TMEM108: variants seen among roughly 807,000 people sequenced by gnomAD.
TMEM108 encodes the protein transmembrane protein 108.
Under a neutral mutation model 35.1 loss-of-function variants are expected in TMEM108, and 12 were observed. The observed-to-expected ratio is 0.34, with a 90% CI of 0.22 to 0.55. TMEM108 has a LOEUF of 0.55. Among genes scored for constraint, TMEM108 ranks in the 20% least tolerant of loss-of-function variants. The pLI, the probability that TMEM108 is intolerant of heterozygous loss-of-function variation, is 0.89. For missense variants in TMEM108, 680 were observed against 753.3 expected, an observed-to-expected ratio of 0.90 and a Z score of 1.14; for synonymous variants, 287 against 308.6, an observed-to-expected ratio of 0.93 and a Z score of 0.73.
At chr3:133,170,425 C>T (rs1945112917) in intron 2 of TMEM108, among the ~76,000 whole-genome samples, 1 of 152,140 alleles carries the variant, frequency 6.6e-6, no homozygotes, top group Admixed American at 6.5e-5. Flanking sequence ...TCTCCCAACT[C>T]TCAGCTAAGG....
intron 2 of TMEM108, among the ~76,000 whole-genome samples, chr3:133,141,628 G>T (rs575302711): frequency 6.6e-6 from 1 of 152,160 alleles, no homozygotes; most frequent in African/African-American, 2.4e-5. Flanking sequence ...ACTGACCTGT[G>T]TGGTCTACCC....
Position 133,277,890 on chromosome 3 carries a change from C to A in TMEM108, c.40+48539C>A, listed in dbSNP as rs544808266. On this transcript the variant is annotated intron_variant, in intron 3 of 5. Transcript: ENST00000321871. ...AAGGAGCAGCAATCTGTCACCAAAT[C>A]TGTGGACCAGAGACTCAGGCTCTGC... is the stretch of plus-strand genomic sequence containing the variant. Among the ~76,000 whole-genome samples the A allele has an allele frequency of 1.0e-3, 158 of 152,310 alleles. 4 individuals carry two copies. In the South Asian group the frequency reaches 0.026, roughly 25 times the overall value.
At chr3:133,362,986 G>GA (rs1311055522) in intron 3 of TMEM108, among the ~76,000 whole-genome samples, 1 of 152,188 alleles carries the variant, frequency 6.6e-6, no homozygotes, top group African/African-American at 2.4e-5. Context: ...GTTGTTTCCA[G>GA]AAAAAGCAGC....
At chr3:133,178,575 A>G (rs1017080701) in intron 2 of TMEM108, among the ~76,000 whole-genome samples, 7 of 152,238 alleles carry the variant, frequency 4.6e-5, no homozygotes, top group Non-Finnish European at 1.0e-4. Context: ...TCCCTATTTA[A>G]TAAATGGTTC....
intron 3 of TMEM108, among the ~76,000 whole-genome samples, chr3:133,356,984 AG>A (rs1049684436): frequency 6.6e-6 from 1 of 152,216 alleles, no homozygotes; most frequent in African/African-American, 2.4e-5. Flanking sequence ...TAAACTAAAA[AG>A]CTTCTACACA....
At chr3:133,048,815 A>G (rs1943369643) in intron 2 of TMEM108, among the ~76,000 whole-genome samples, 1 of 152,208 alleles carries the variant, frequency 6.6e-6, no homozygotes, top group South Asian at 2.1e-4. Flanking sequence ...AGAAAGAGGC[A>G]CTTTGGTGTG....
At chr3:133,100,713 C>T (rs1375288089) in intron 2 of TMEM108, among the ~76,000 whole-genome samples, 1 of 152,176 alleles carries the variant, frequency 6.6e-6, no homozygotes, top group African/African-American at 2.4e-5. Flanking sequence ...TTGATTCCAC[C>T]ATCCATCCAT....
At chr3:133,275,401 C>G (rs1439572250) in intron 3 of TMEM108, among the ~76,000 whole-genome samples, 1 of 152,152 alleles carries the variant, frequency 6.6e-6, no homozygotes, top group Non-Finnish European at 1.5e-5. Context: ...TTGGATTTTT[C>G]ACATACATTT....
At chr3:133,394,107 T>C (rs1184127137) in intron 5 of TMEM108, among the ~76,000 whole-genome samples, 1 of 152,226 alleles carries the variant, frequency 6.6e-6, no homozygotes, top group Non-Finnish European at 1.5e-5. Context: ...TGAGGGTAAA[T>C]GCAGGCAGCC....
chr3:133,323,042 C>T (rs576828107), intron 3 of TMEM108, among the ~76,000 whole-genome samples: 8 of 152,270 alleles, frequency 5.3e-5, no homozygotes, highest in African/African-American at 1.9e-4. Context: ...GACAAACCCA[C>T]AGCCAACATT....
At chr3:133,272,313 T>TGTGTGTGTGTGTG (rs1559888647) in intron 3 of TMEM108, among the ~76,000 whole-genome samples, 1 of 97,966 alleles carries the variant, frequency 1.0e-5, no homozygotes, top group Non-Finnish European at 2.1e-5. Flanking sequence ...GTGTGTGTGT[T>TGTGTGTGTGTGTG]TCCTAAAGGA....
chr3:133,044,007 T>C (rs1309821324), intron 1 of TMEM108, among the ~76,000 whole-genome samples: 4 of 152,224 alleles, frequency 2.6e-5, no homozygotes, highest in African/African-American at 9.6e-5. Context: ...TCTCTTGCTT[T>C]GTGTCCTGTG....
At chr3:133,304,072 A>C (rs551819171) in intron 3 of TMEM108, among the ~76,000 whole-genome samples, 21 of 152,330 alleles carry the variant, frequency 1.4e-4, no homozygotes, top group South Asian at 1.0e-3. Flanking sequence ...GCAAAATGGG[A>C]ATAATTCTCA....
intron 2 of TMEM108, among the ~76,000 whole-genome samples, chr3:133,225,042 A>ATTTTT (rs11347955): frequency 1.8e-5 from 2 of 112,938 alleles, no homozygotes; most frequent in Non-Finnish European, 3.6e-5. Flanking sequence ...AAACCTCCTA[A>ATTTTT]TTTTTTTTTT....
intron 2 of TMEM108, among the ~76,000 whole-genome samples, chr3:133,062,314 C>T (rs73860818): frequency 0.039 from 5,970 of 152,168 alleles, 386 homozygotes; most frequent in African/African-American, 0.14. Flanking sequence ...TTTCTATTAA[C>T]GTCTCATCTT....
In TMEM108 at chr3:133,377,337, T is replaced by TTGTC. The variant is rs527434257; in HGVS notation, c.41-2413_41-2410dup. 2.0e-3 allele frequency among the ~76,000 whole-genome samples: 297 copies of TTGTC among 152,294 alleles called. 2 individuals are homozygous for TTGTC. The highest frequency in any genetic ancestry group is 3.6e-3 in the Non-Finnish European group (244 of 68,026). On this transcript the variant is annotated intron_variant, in intron 3 of 5. Transcript: ENST00000321871. Reference sequence around the variant, plus strand: ...CACCACCACTAGCCCTAGGAATAGATTGTCTCTCTGGTGTTAAGCTGTGGG... The same window carrying TTGTC: ...CACCACCACTAGCCCTAGGAATAGATTGTCTGTCTCTCTGGTGTTAAGCTGTGGG...
intron 3 of TMEM108, chr3:133,247,170 G>T (rs1439571746): frequency 6.6e-6 from 1 of 152,152 alleles, no homozygotes; most frequent in Non-Finnish European, 1.5e-5. Context: ...AAACTGTCAA[G>T]AATGGGATCC....
intron 4 of TMEM108, chr3:133,386,328 C>A: frequency 7.0e-7 from 1 of 1,419,552 alleles, no homozygotes; most frequent in Non-Finnish European, 9.6e-7. Flanking sequence ...GCAATGCCTG[C>A]TCAAACAGGC....
chr3:133,390,290 G>A lies in TMEM108; in HGVS notation c.1561G>A (p.Ala521Thr). ...TITMDYFNRH[A>T]VELPREIQSL... The stretch of plus-strand genomic sequence containing the variant: ...CACCATGGACTACTTCAACAGGCAT[G>A]CTGTGGAGCTGCCCAGGGAGATCCA... The change falls in exon 5 of 6, where the codon GCT becomes ACT. Residue 521 changes from alanine to threonine, a missense_variant. By Grantham distance (58) the Ala-to-Thr change is moderately conservative. Around this residue, in one of 3 missense-constraint regions of TMEM108, gnomAD observed 105 missense variants for 150.7 expected, o/e 0.70. Coordinates refer to ENST00000321871, the MANE Select transcript of TMEM108 (RefSeq NM_023943.4). 6.2e-7 allele frequency: 1 copy of A among 1,614,200 alleles called. No homozygotes were observed.
Sources: allele counts gnomAD v4.1 joint callset (sites outside exome capture counted in the v4.1 genomes callset), GRCh38; gene constraint gnomAD v4.1.1; regional missense constraint gnomAD v4.1.1; transcripts MANE v1.5; gene names NCBI Gene and HGNC (gene_info 2026-07-23, HGNC 2026-07-21).